CSTL1: variants seen among roughly 807,000 people sequenced by gnomAD.
The protein encoded by CSTL1 is cystatin like 1, also known as cystatin-like 1.
Under a neutral mutation model 14.4 loss-of-function variants are expected in CSTL1, and 14 were observed. The observed-to-expected ratio is 0.97, with a 90% CI of 0.64 to 1.52. CSTL1 has a LOEUF of 1.52. CSTL1 is among the 40% of genes most tolerant of loss of function. CSTL1 has a pLI of 0.00. For missense variants in CSTL1, 170 were observed against 168.7 expected, an observed-to-expected ratio of 1.01 and a Z score of -0.04; for synonymous variants, 72 against 67.5, an observed-to-expected ratio of 1.07 and a Z score of -0.33.
At chr20:23,440,914 A>G (rs1986816484) in intron 2 of CSTL1, 2 of 264,020 alleles carry the variant, frequency 7.6e-6, no homozygotes, top group South Asian at 7.5e-5. Context: ...GTACCACCAC[A>G]CCTGGCTAAA....
chr20:23,455,836 C>T, the CSTL1 span, among the ~76,000 whole-genome samples: 145 of 152,354 alleles, frequency 9.5e-4, no homozygotes, highest in Non-Finnish European at 1.6e-3. Context: ...CTCTTCCTGT[C>T]GCCCACTTGC....
chr20:23,441,325 C>T (rs896451696), intron 2 of CSTL1, among the ~76,000 whole-genome samples: 2 of 152,192 alleles, frequency 1.3e-5, no homozygotes, highest in African/African-American at 4.8e-5. Context: ...CAGATCACCT[C>T]ACCTTCTGTT....
At chr20:23,454,569 G>T in the CSTL1 span, among the ~76,000 whole-genome samples, 2 of 152,186 alleles carry the variant, frequency 1.3e-5, no homozygotes, top group South Asian at 2.1e-4. Flanking sequence ...TTGATGGAGG[G>T]TTTGGCATCA....
At chr20:23,451,923 G>C in the CSTL1 span, 2 of 1,611,754 alleles carry the variant, frequency 1.2e-6, no homozygotes, top group Non-Finnish European at 1.7e-6. Flanking sequence ...TCAGTGACCT[G>C]TGGGCGCCAG....
At chr20:23,452,674 G>A in the CSTL1 span, 7 of 1,613,882 alleles carry the variant, frequency 4.3e-6, no homozygotes, top group African/African-American at 4.0e-5. Context: ...ACTGCAAGCT[G>A]TCCTTCGCAT....
chr20:23,455,984 C>A, the CSTL1 span, among the ~76,000 whole-genome samples: 5 of 152,174 alleles, frequency 3.3e-5, no homozygotes, highest in African/African-American at 9.7e-5. Flanking sequence ...AATACAAACT[C>A]TTCTCCAAGC....
chr20:23,451,921 C>T, the CSTL1 span: 8 of 1,612,464 alleles, frequency 5.0e-6, no homozygotes, highest in East Asian at 1.6e-4. Context: ...GGTCAGTGAC[C>T]TGTGGGCGCC....
rs1271040336 is a variant in CSTL1 at position 23,444,797 on chromosome 20, C to T, written c.357C>T (p.Tyr119=). 6.2e-7 allele frequency: 1 copy of T among 1,613,460 alleles called. No individual in the cohort carries two copies. Among genetic ancestry groups the T allele is most frequent in the South Asian group, 1.1e-5 (1 of 91,072 alleles). ...GTTTAATTTGCGAGTCTTTGATATA[C>T]ACCATGCCCTGGATAAACTATTTCC... ...RKSLICESLI[Y]TMPWINYFQL... Residue 119 remains tyrosine (Y), a synonymous_variant, in exon 4 of 4, where the codon TAC becomes TAT. Transcript: ENST00000347397.
chr20:23,443,380 G>A (rs1289457781), intron 2 of CSTL1, among the ~76,000 whole-genome samples: 1 of 152,208 alleles, frequency 6.6e-6, no homozygotes, highest in Non-Finnish European at 1.5e-5. Context: ...CACAATTGTG[G>A]TTTGTAGTTT....
At chr20:23,456,935 G>A in the CSTL1 span, among the ~76,000 whole-genome samples, 1 of 152,118 alleles carries the variant, frequency 6.6e-6, no homozygotes, top group Admixed American at 6.5e-5. Flanking sequence ...ATTACATGGG[G>A]CCCCTTCAGA....
the CSTL1 span, chr20:23,452,564 G>T: frequency 1.5e-5 from 23 of 1,505,688 alleles, no homozygotes; most frequent in South Asian, 2.4e-4. Flanking sequence ...CTGGGGAGAG[G>T]CGGGAAGTCA....
downstream of CSTL1, among the ~76,000 whole-genome samples, chr20:23,447,627 G>A (rs1986994591): frequency 6.6e-6 from 1 of 151,786 alleles, no homozygotes. Flanking sequence ...CCAGCTAAAT[G>A]TTTTTGTATT....
rs1215426169 is a variant in CSTL1 at position 23,440,468 on chromosome 20, A to G, written c.201A>G (p.Leu67=). 4 of 1,613,434 alleles carry G rather than the reference A, an allele frequency of 2.5e-6. No individual in the cohort carries two copies. The highest frequency in any genetic ancestry group is 1.7e-5 in the Admixed American group (1 of 60,004). ...NDTYLYRVQR[L]IRSQMQLTTG... The stretch of plus-strand genomic sequence containing the variant: ...CCTACTTATATCGAGTCCAGAGGCT[A>G]ATTCGAAGTCAGATGCAGGTTTGTA... Residue 67 remains leucine, a synonymous_variant, in exon 2 of 4, where the codon CTA becomes CTG. Coordinates refer to ENST00000347397, the MANE Select transcript of CSTL1 (RefSeq NM_138283.1).
chr20:23,458,535 T>C, the CSTL1 span: 1 of 152,232 alleles, frequency 6.6e-6, no homozygotes, highest in African/African-American at 2.4e-5. Flanking sequence ...TCAGCTTTCA[T>C]GTCTCATGAA....
chr20:23,447,712 C>T (rs559215951), downstream of CSTL1, among the ~76,000 whole-genome samples: 31 of 152,266 alleles, frequency 2.0e-4, no homozygotes, highest in East Asian at 5.8e-3. Flanking sequence ...CCACCCGCCT[C>T]GGCCTCCCAA....
chr20:23,442,414 A>G (rs1986855983), intron 2 of CSTL1: 2 of 152,282 alleles, frequency 1.3e-5, no homozygotes. Flanking sequence ...AGCACTTAGC[A>G]CAGTGCCAAC....
chr20:23,453,293 G>GA, the CSTL1 span, among the ~76,000 whole-genome samples: 1 of 152,072 alleles, frequency 6.6e-6, no homozygotes, highest in Non-Finnish European at 1.5e-5. Context: ...ACGAGTTCTG[G>GA]AAAATCCCCT....
the CSTL1 span, among the ~76,000 whole-genome samples, chr20:23,451,142 A>G: frequency 6.6e-5 from 10 of 151,966 alleles, no homozygotes; most frequent in Non-Finnish European, 1.5e-4. Flanking sequence ...CCATCCACCC[A>G]TCCATCTTTA....
At chr20:23,445,508 C>T (rs1276317153), downstream of CSTL1, among the ~76,000 whole-genome samples, 1 of 152,190 alleles carries the variant, frequency 6.6e-6, no homozygotes, top group Admixed American at 6.5e-5. Flanking sequence ...ATCCTCCTGC[C>T]TCAGTCTCCC....
Sources: allele counts gnomAD v4.1 joint callset (sites outside exome capture counted in the v4.1 genomes callset), GRCh38; gene constraint gnomAD v4.1.1; transcripts MANE v1.5; gene names NCBI Gene and HGNC (gene_info 2026-07-23, HGNC 2026-07-21).